CADM2: variants seen among roughly 807,000 people sequenced by gnomAD.
The protein encoded by CADM2 is cell adhesion molecule 2.
In CADM2, 12 loss-of-function variants were observed where a neutral mutation model predicts 49.8. The observed-to-expected ratio is 0.24, with a 90% CI of 0.15 to 0.39. The LOEUF (loss-of-function observed/expected upper bound fraction) is 0.39, where lower values mean the gene tolerates loss of function less well. Among genes scored for constraint, CADM2 ranks in the 10% least tolerant of loss-of-function variants. CADM2 has a pLI of 1.00. For missense variants in CADM2, 378 were observed against 492.3 expected (o/e 0.77, Z 2.20); for synonymous variants, 214 against 175.4 (o/e 1.22, Z -1.74).
At chr3:86,055,097 T>G (rs1043953337) in intron 8 of CADM2, among the ~76,000 whole-genome samples, 11 of 152,154 alleles carry the variant, frequency 7.2e-5, no homozygotes, top group Non-Finnish European at 1.5e-5. Context: ...GCATATATTT[T>G]TTTCTGATAA....
At chr3:85,248,674 A>G (rs918050899) in intron 1 of CADM2, among the ~76,000 whole-genome samples, 1 of 152,214 alleles carries the variant, frequency 6.6e-6, no homozygotes. Flanking sequence ...TGTGGTTTGT[A>G]TACTCACAAA....
At chr3:85,047,002 G>C (rs775443777) in intron 1 of CADM2, among the ~76,000 whole-genome samples, 1 of 151,902 alleles carries the variant, frequency 6.6e-6, no homozygotes, top group South Asian at 2.1e-4. Flanking sequence ...GACATAAAAG[G>C]TTCTGCAGAT....
chr3:85,896,622 G>A (rs1404557743), intron 5 of CADM2, among the ~76,000 whole-genome samples: 4 of 152,092 alleles, frequency 2.6e-5, no homozygotes, highest in Non-Finnish European at 5.9e-5. Context: ...CATTCTATAA[G>A]CATTATTTAC....
At chr3:85,177,303 A>G (rs551325269) in intron 1 of CADM2, among the ~76,000 whole-genome samples, 1 of 152,208 alleles carries the variant, frequency 6.6e-6, no homozygotes. Flanking sequence ...TATATTCAAG[A>G]TATTTTGTGT....
Position 85,359,167 on chromosome 3 carries a change from T to C in CADM2, c.62-367355T>C, listed in dbSNP as rs578225990. On this transcript the variant is annotated intron_variant, in intron 1 of 9. Transcript: ENST00000383699. Reference sequence around the variant, plus strand: ...AACTCAGTATGCTATATTTCAACCATGCAAATGAGCATATTTCCCTGGGAC... The same window carrying C: ...AACTCAGTATGCTATATTTCAACCACGCAAATGAGCATATTTCCCTGGGAC... Among the ~76,000 whole-genome samples, 21 of 152,208 alleles carry C rather than the reference T, an allele frequency of 1.4e-4. No individual in the cohort carries two copies. In the South Asian group the frequency reaches 4.4e-3, roughly 32 times the overall value.
At chr3:85,160,094 G>A (rs567848527) in intron 1 of CADM2, among the ~76,000 whole-genome samples, 2 of 152,144 alleles carry the variant, frequency 1.3e-5, no homozygotes, top group South Asian at 4.1e-4. Flanking sequence ...AGCTAAAACG[G>A]CTTTAAAATT....
At chr3:85,480,449 G>T (rs2039163683) in intron 1 of CADM2, among the ~76,000 whole-genome samples, 1 of 151,804 alleles carries the variant, frequency 6.6e-6, no homozygotes, top group Non-Finnish European at 1.5e-5. Context: ...TCACATAAGT[G>T]CCTTGCCTCA....
intron 1 of CADM2, among the ~76,000 whole-genome samples, chr3:85,123,590 A>T (rs1054245797): frequency 6.6e-6 from 1 of 152,266 alleles, no homozygotes; most frequent in East Asian, 1.9e-4. Context: ...TTCTTTCCCT[A>T]GGAAGGACAT....
chr3:85,374,719 C>T (rs758061779), intron 1 of CADM2, among the ~76,000 whole-genome samples: 19 of 152,194 alleles, frequency 1.2e-4, no homozygotes, highest in African/African-American at 4.1e-4. Flanking sequence ...TCTTACATGG[C>T]GGCAGGCAAG....
At chr3:85,963,861 T>C (rs1000041534) in intron 8 of CADM2, among the ~76,000 whole-genome samples, 1 of 151,812 alleles carries the variant, frequency 6.6e-6, no homozygotes, top group Non-Finnish European at 1.5e-5. Context: ...TGAACTACAA[T>C]TCATCAAAAG....
At chr3:85,698,977 G>A (rs537603671) in intron 1 of CADM2, among the ~76,000 whole-genome samples, 4 of 152,150 alleles carry the variant, frequency 2.6e-5, no homozygotes, top group Non-Finnish European at 5.9e-5. Flanking sequence ...AAACAAGTTA[G>A]TTACTCCCAA....
At chr3:85,701,900 GATAGATAGATAT>G (rs1388885384) in intron 1 of CADM2, among the ~76,000 whole-genome samples, 308 of 142,320 alleles carry the variant, frequency 2.2e-3, no homozygotes, top group African/African-American at 6.9e-3. Flanking sequence ...TAGATAGATA[GATAGATAGATAT>G]AAAGAAAAAG....
intron 1 of CADM2, among the ~76,000 whole-genome samples, chr3:85,647,288 T>A (rs923300781): frequency 6.6e-6 from 1 of 151,800 alleles, no homozygotes; most frequent in Non-Finnish European, 1.5e-5. Context: ...AATGAAACCA[T>A]TTTGTAATCC....
At chr3:85,489,740 T>TA (rs1404417913) in intron 1 of CADM2, among the ~76,000 whole-genome samples, 1 of 119,506 alleles carries the variant, frequency 8.4e-6, no homozygotes, top group Non-Finnish European at 1.7e-5. Context: ...AAAAATTATT[T>TA]AACGTGTGTG....
chr3:85,340,907 A>C (rs1254076659), intron 1 of CADM2, among the ~76,000 whole-genome samples: 2 of 151,680 alleles, frequency 1.3e-5, no homozygotes, highest in East Asian at 1.9e-4. Flanking sequence ...TTCATTCCGT[A>C]TATACTCTTC....
intron 1 of CADM2, among the ~76,000 whole-genome samples, chr3:85,513,582 A>G (rs1054083224): frequency 1.3e-5 from 2 of 151,928 alleles, no homozygotes; most frequent in African/African-American, 4.8e-5. Flanking sequence ...CAACAGCAAA[A>G]TATTCTTTAT....
At chr3:86,021,125 A>C (rs1305847953) in intron 8 of CADM2, among the ~76,000 whole-genome samples, 1 of 151,968 alleles carries the variant, frequency 6.6e-6, no homozygotes, top group Non-Finnish European at 1.5e-5. Flanking sequence ...TCAGCCTCCT[A>C]AGTAGCTGGA....
intron 1 of CADM2, among the ~76,000 whole-genome samples, chr3:85,189,216 A>G (rs553519355): frequency 6.6e-6 from 1 of 152,134 alleles, no homozygotes; most frequent in East Asian, 1.9e-4. Flanking sequence ...CATGTAGGAT[A>G]TATTTCATGC....
chr3:85,625,021 T>G (rs2064083959), intron 1 of CADM2, among the ~76,000 whole-genome samples: 1 of 152,122 alleles, frequency 6.6e-6, no homozygotes, highest in Non-Finnish European at 1.5e-5. Flanking sequence ...CTTCGGTTCC[T>G]CATCTATAAA....
Sources: allele counts gnomAD v4.1 joint callset (sites outside exome capture counted in the v4.1 genomes callset), GRCh38; gene constraint gnomAD v4.1.1; transcripts MANE v1.5; gene names NCBI Gene and HGNC (gene_info 2026-07-23, HGNC 2026-07-21).